Variants in LSM14A observed in about 807,000 individuals in gnomAD.
LSM14A encodes LSM14A mRNA processing body assembly factor, also known as protein LSM14 homolog A.
Under a neutral mutation model 52.4 loss-of-function variants are expected in LSM14A, and 14 were observed. That is an observed-to-expected ratio of 0.27 (90% CI 0.18 to 0.42). The LOEUF (loss-of-function observed/expected upper bound fraction) is 0.42, where lower values mean the gene tolerates loss of function less well. Among genes scored for constraint, LSM14A ranks in the 10% least tolerant of loss-of-function variants. LSM14A has a pLI of 1.00. For synonymous variants in LSM14A, 185 were observed against 200.3 expected (o/e 0.92, Z 0.64); for missense variants, 417 against 581.8 (o/e 0.72, Z 2.91).
At chr19:34,193,239 A>G (rs1329398910) in intron 1 of LSM14A, among the ~76,000 whole-genome samples, 1 of 152,176 alleles carries the variant, frequency 6.6e-6, no homozygotes, top group African/African-American at 2.4e-5. Context: ...TACAGCCTCA[A>G]TCTCCCAGGC....
intron 2 of LSM14A, 108 bp from the exon 3 acceptor site, chr19:34,196,526 A>G (rs2070850087): frequency 3.9e-6 from 4 of 1,031,454 alleles, no homozygotes; most frequent in South Asian, 4.2e-5. Context: ...TTTTATATCT[A>G]GTAGTTATAA....
chr19:34,177,899 G>A (rs1172249522), intron 1 of LSM14A, among the ~76,000 whole-genome samples: 1 of 151,950 alleles, frequency 6.6e-6, no homozygotes, highest in African/African-American at 2.4e-5. Context: ...AACAATGATA[G>A]CCTGTAATCC....
chr19:34,215,754 G>A, intron 6 of LSM14A, 93 bp downstream of exon 6: 1 of 914,718 alleles, frequency 1.1e-6, no homozygotes, highest in Non-Finnish European at 1.7e-6. Flanking sequence ...AAAAATGAAA[G>A]GCGGGGGTTG....
intron 2 of LSM14A, among the ~76,000 whole-genome samples, chr19:34,195,929 C>T (rs968541697): frequency 3.9e-5 from 6 of 152,178 alleles, no homozygotes; most frequent in Non-Finnish European, 8.8e-5. Flanking sequence ...GTAGTATTTA[C>T]AGAGTATCTG....
At chr19:34,184,891 G>A (rs867783090) in intron 1 of LSM14A, among the ~76,000 whole-genome samples, 27 of 152,122 alleles carry the variant, frequency 1.8e-4, no homozygotes, top group African/African-American at 6.0e-4. Flanking sequence ...ATTTAAGCTG[G>A]GGCCTGACAG....
chr19:34,178,039 TA>T (rs2069201675), intron 1 of LSM14A, among the ~76,000 whole-genome samples: 3 of 152,160 alleles, frequency 2.0e-5, no homozygotes, highest in Middle Eastern at 3.4e-3. Context: ...TGCATGTCTG[TA>T]ATCCCAGCTA....
intron 5 of LSM14A, 82 bp from the exon 6 acceptor site, chr19:34,215,510 GGTTT>G (rs956371376): frequency 7.1e-6 from 9 of 1,267,698 alleles, no homozygotes; most frequent in Non-Finnish European, 4.5e-6. Flanking sequence ...TGGGTTTTTT[GGTTT>G]GTTTGTTTGC....
At chr19:34,177,222 A>G (rs2069147270) in intron 1 of LSM14A, among the ~76,000 whole-genome samples, 1 of 152,162 alleles carries the variant, frequency 6.6e-6, no homozygotes, top group Non-Finnish European at 1.5e-5. Context: ...TCTTCATTTT[A>G]ATGTAAACAT....
chr19:34,178,245 T>A (rs1451776313), intron 1 of LSM14A, among the ~76,000 whole-genome samples: 1 of 152,134 alleles, frequency 6.6e-6, no homozygotes, highest in Non-Finnish European at 1.5e-5. Flanking sequence ...TCACACCACA[T>A]AATCAAAAGC....
chr19:34,187,252 A>T (rs548772690), intron 1 of LSM14A, among the ~76,000 whole-genome samples: 44 of 151,722 alleles, frequency 2.9e-4, no homozygotes, highest in African/African-American at 1.1e-3. Flanking sequence ...CGGTCTCAAA[A>T]AAAAAAAAAA....
At chr19:34,174,210 A>G (rs1479069087) in intron 1 of LSM14A, among the ~76,000 whole-genome samples, 2 of 152,180 alleles carry the variant, frequency 1.3e-5, no homozygotes, top group African/African-American at 2.4e-5. Context: ...CGGCCACCCA[A>G]AGTGCTGGGA....
In LSM14A at chr19:34,221,320, C is replaced by G. The variant is rs1361113025; in HGVS notation, c.1137-187C>G. 3 of 615,166 alleles carry G rather than the reference C, an allele frequency of 4.9e-6. No homozygotes were observed. The African/African-American group carries it at 5.5e-5, about 11-fold the overall frequency. The allele number at this position is 615,166 out of a possible 1,614,324, so 38.1% of individuals were successfully genotyped here. On this transcript the variant is annotated intron_variant, in intron 8 of 9. Transcript: ENST00000544216. ...CTAGTCTCGAACTCCTGACTTCAGG[C>G]GATCCGCCCCCTCGGCCTCCCAAAG...
rs915047252 is a variant in LSM14A at position 34,227,640 on chromosome 19, G to GTA, written c.*255_*256dup. ...AGCAGAAGGTTAAGTAATTTCTTAT[G>GTA]TATAGTTAAACTAAAGCAGTACTTC... On this transcript the variant is annotated 3_prime_UTR_variant, in exon 10 of 10. Transcript: ENST00000544216. The GTA allele has an allele frequency of 1.7e-4, 67 of 402,608 alleles. No individual in the cohort carries two copies. Among genetic ancestry groups the GTA allele is most frequent in the Non-Finnish European group, 2.6e-5 (6 of 228,306 alleles). 24.9% of individuals were successfully genotyped at this position (402,608 alleles called of 1,614,324 possible).
chr19:34,219,807 C>A lies in LSM14A; in HGVS notation c.1066C>A (p.Pro356Thr), dbSNP rs1255539828. The A allele has an allele frequency of 1.2e-6, 2 of 1,613,326 alleles. No individual in the cohort carries two copies. Among genetic ancestry groups the A allele is most frequent in the Non-Finnish European group, 1.7e-6 (2 of 1,179,384 alleles). ...TGAAGGAAATGCCGATGAAGAAGAT[C>A]CACTTGGACCTAATTGCTATTATGA... ...NSEGNADEED[P>T]LGPNCYYDKT... The change falls in exon 8 of 10, where the codon CCA (proline) becomes ACA (threonine). Residue 356 changes from proline to threonine, a missense_variant. Physicochemically the swap from Pro to Thr is conservative, Grantham distance 38 (BLOSUM62 -1). Coordinates refer to ENST00000544216, the MANE Select transcript of LSM14A (RefSeq NM_015578.4).
intron 8 of LSM14A, among the ~76,000 whole-genome samples, chr19:34,220,669 C>T (rs2072999599): frequency 6.6e-6 from 1 of 152,206 alleles, no homozygotes; most frequent in African/African-American, 2.4e-5. Context: ...CCTCTGGTGG[C>T]AGTTGTTTGC....
At chr19:34,219,628 G>A in intron 7 of LSM14A, 55 bp downstream of exon 7, 1 of 1,560,292 alleles carries the variant, frequency 6.4e-7, no homozygotes. Flanking sequence ...GTGAATTACA[G>A]ATGTTTCTCA....
chr19:34,221,326 G>GC, intron 8 of LSM14A, 181 bp from the exon 9 acceptor site: 1 of 642,966 alleles, frequency 1.6e-6, no homozygotes, highest in Non-Finnish European at 2.6e-6. Flanking sequence ...CAGGCGATCC[G>GC]CCCCCTCGGC....
At chr19:34,185,183 A>G (rs184967523) in intron 1 of LSM14A, among the ~76,000 whole-genome samples, 43 of 152,334 alleles carry the variant, frequency 2.8e-4, no homozygotes, top group Admixed American at 7.8e-4. Flanking sequence ...GATTTTGAGA[A>G]TATATTGCAG....
Position 34,227,690 on chromosome 19 carries a change from C to A in LSM14A, c.*302C>A. 3.3e-6 allele frequency: 1 copy of A among 300,942 alleles called. No homozygotes were observed. The highest frequency in any genetic ancestry group is 6.0e-6 in the Non-Finnish European group (1 of 165,894). The allele number at this position is 300,942 out of a possible 1,614,324, so 18.6% of individuals were successfully genotyped here. A position where few individuals can be genotyped will look rare whatever the true frequency, so the allele number is the denominator to read the frequency against. On this transcript the variant is annotated 3_prime_UTR_variant, in exon 10 of 10. Transcript: ENST00000544216. ...CAGTGGGACTTAACAAGTATTTTTT[C>A]ATCACTGAAAGGTTTTTTTTTTTTA...
Sources: allele counts gnomAD v4.1 joint callset (sites outside exome capture counted in the v4.1 genomes callset), GRCh38; gene constraint gnomAD v4.1.1; transcripts MANE v1.5; gene names NCBI Gene and HGNC (gene_info 2026-07-23, HGNC 2026-07-21).